The following DCPS variants were observed in gnomAD, a reference collection of about 807,000 sequenced individuals.
DCPS encodes decapping enzyme, scavenger.
A neutral mutation model predicts 34.7 loss-of-function variants in DCPS; 27 were observed. That is an observed-to-expected ratio of 0.78 (90% CI 0.57 to 1.07). The LOEUF (loss-of-function observed/expected upper bound fraction) is 1.07, where lower values mean the gene tolerates loss of function less well. Among genes scored for constraint, DCPS ranks in the 50% least tolerant of loss-of-function variants. The probability of loss-of-function intolerance (pLI) is 0.00; values close to 1 mark genes in which losing one functional copy is unlikely to be tolerated. For synonymous variants in DCPS, 185 were observed against 185.7 expected (o/e 1.00, Z 0.03); for missense variants, 464 against 436.9 (o/e 1.06, Z -0.55).
chr11:126,318,484 G>C (rs611593), intron 2 of DCPS, among the ~76,000 whole-genome samples: 2 of 152,092 alleles, frequency 1.3e-5, no homozygotes, highest in Non-Finnish European at 2.9e-5. Flanking sequence ...CTAGCCAGGG[G>C]ACATCCCACA....
At position 126,345,899 on chromosome 11, in the gene DCPS, G is replaced by A. The variant is rs1259198163; in HGVS notation, c.*286G>A. On this transcript the variant is annotated 3_prime_UTR_variant, in exon 6 of 6. Coordinates refer to ENST00000263579, the MANE Select transcript of DCPS (RefSeq NM_014026.6). The surrounding 1 kb of genome is among the most constrained non-coding windows in gnomAD (Gnocchi z 7.4). ...GAGCTGCCCTGGAAGGGTGCCGAGG[G>A]CCTTCTCCAAGCCCCAGGGCTCACC... 3 of 501,868 alleles carry A rather than the reference G, an allele frequency of 6.0e-6. No homozygotes were observed. The highest frequency in any genetic ancestry group is 1.1e-5 in the Non-Finnish European group (3 of 279,712). 31.1% of individuals were successfully genotyped at this position (501,868 alleles called of 1,614,324 possible). A position where few individuals can be genotyped will look rare whatever the true frequency, so the allele number is the denominator to read the frequency against.
chr11:126,345,541 G>GCGCA lies in DCPS; in HGVS notation c.946_949dup (p.Leu317HisfsTer9). ...AGTGTGACCCTAGGCACTACCAGCAGCGCACGCTCACCTTCGCCCTCAGGG... is the reference window on the plus strand; with the variant it reads ...AGTGTGACCCTAGGCACTACCAGCAGCGCACGCACGCTCACCTTCGCCCTCAGGG... On this transcript the variant is annotated frameshift_variant, in exon 6 of 6. Transcript: ENST00000263579. LOFTEE classifies it high-confidence loss of function. This position sits in a 1 kb window ranked among gnomAD's most constrained non-coding sequence, Gnocchi z 7.4. 2.5e-6 allele frequency: 4 copies of GCGCA among 1,613,980 alleles called. No individual in the cohort carries two copies. Among genetic ancestry groups the GCGCA allele is most frequent in the African/African-American group, 1.3e-5 (1 of 75,048 alleles).
Position 126,348,157 on chromosome 11 carries a change from A to C in DCPS, c.*2544A>C, listed in dbSNP as rs575085502. Among the ~76,000 whole-genome samples, 1 of 152,316 alleles carries C rather than the reference A, an allele frequency of 6.6e-6. No individual in the cohort carries two copies. The highest frequency in any genetic ancestry group is 1.5e-5 in the Non-Finnish European group (1 of 68,018). On this transcript the variant is annotated 3_prime_UTR_variant, in exon 6 of 6. Coordinates refer to ENST00000263579, the MANE Select transcript of DCPS (RefSeq NM_014026.6). This position sits in a 1 kb window ranked among gnomAD's most constrained non-coding sequence, Gnocchi z 5.3. ...AACAGGACAGACGAGGCTGGCAGTC[A>C]CAGCAGAGGGCAGGCACTCAGGTCT...
intron 4 of DCPS, among the ~76,000 whole-genome samples, chr11:126,339,320 A>T (rs1466896658): frequency 6.6e-6 from 1 of 151,926 alleles, no homozygotes; most frequent in Non-Finnish European, 1.5e-5. Context: ...GGGCCCGTCT[A>T]GTTTCTGCAC....
intron 2 of DCPS, among the ~76,000 whole-genome samples, chr11:126,324,602 A>G (rs1951727693): frequency 1.4e-5 from 2 of 139,040 alleles, no homozygotes; most frequent in South Asian, 2.3e-4. Flanking sequence ...ACAGGCATGC[A>G]CCACCATGCC....
In DCPS at chr11:126,336,656, C is replaced by T. The variant is rs1951834735; in HGVS notation, c.523-1630C>T. On this transcript the variant is annotated intron_variant, in intron 3 of 5. Coordinates refer to ENST00000263579, the MANE Select transcript of DCPS (RefSeq NM_014026.6). The surrounding 1 kb of genome is among the most constrained non-coding windows in gnomAD (Gnocchi z 6.3). Reference sequence around the variant, plus strand: ...TGTCTGTAGGGAATGCCGTCTCCCTCCCTCCCTTGTATTTCCGCTGGCTTC... The same window carrying T: ...TGTCTGTAGGGAATGCCGTCTCCCTTCCTCCCTTGTATTTCCGCTGGCTTC... The T allele has an allele frequency of 1.3e-5, 2 of 152,320 alleles. No homozygotes were observed. Among genetic ancestry groups the T allele is most frequent in the Non-Finnish European group, 2.9e-5 (2 of 68,126 alleles). 9.4% of individuals were successfully genotyped at this position (152,320 alleles called of 1,614,324 possible). A position where few individuals can be genotyped will look rare whatever the true frequency, so the allele number is the denominator to read the frequency against.
At chr11:126,330,176 G>T (rs1260658478) in intron 2 of DCPS, among the ~76,000 whole-genome samples, 2 of 150,332 alleles carry the variant, frequency 1.3e-5, no homozygotes, top group Admixed American at 6.7e-5. Context: ...CTCACCTGGG[G>T]ACACTTTTTC....
At chr11:126,304,313 G>T in intron 1 of DCPS, 32 bp downstream of exon 1, 1 of 1,612,254 alleles carries the variant, frequency 6.2e-7, no homozygotes, top group African/African-American at 1.3e-5. Flanking sequence ...GTGGGATGCG[G>T]GAAGCAGTGA....
In DCPS at chr11:126,331,342, G is replaced by T; in HGVS notation, c.377-63G>T. 6.3e-7 allele frequency: 1 copy of T among 1,588,196 alleles called. No homozygotes were observed. Among genetic ancestry groups the T allele is most frequent in the Non-Finnish European group, 8.6e-7 (1 of 1,165,916 alleles). ...AGGGTGGGAGTTCTCTCCTCACCGT[G>T]GTGCCTGTGGCATAGAGAGTGGGCA... On this transcript the variant is annotated intron_variant, in intron 2 of 5. Transcript: ENST00000263579. This position sits in a 1 kb window ranked among gnomAD's most constrained non-coding sequence, Gnocchi z 7.2.
At chr11:126,341,637 C>T (rs58960365) in intron 4 of DCPS, 2 of 152,238 alleles carry the variant, frequency 1.3e-5, no homozygotes, top group Admixed American at 6.5e-5. Context: ...GTGACAGTGA[C>T]GCATAGAACA....
At chr11:126,339,645 C>T (rs561459617) in intron 4 of DCPS, among the ~76,000 whole-genome samples, 2 of 152,222 alleles carry the variant, frequency 1.3e-5, no homozygotes, top group African/African-American at 4.8e-5. Context: ...AGAGGGCTCT[C>T]CTTGTGTGGG....
At chr11:126,340,527 T>C (rs1951868065) in intron 4 of DCPS, among the ~76,000 whole-genome samples, 1 of 152,182 alleles carries the variant, frequency 6.6e-6, no homozygotes, top group African/African-American at 2.4e-5. Flanking sequence ...TATTTTAGCG[T>C]CTCAAATCTT....
In DCPS at chr11:126,343,270, C is replaced by T. The variant is rs778457954; in HGVS notation, c.637-37C>T. On this transcript the variant is annotated intron_variant, in intron 4 of 5. Transcript: ENST00000263579. ...GGTTGGCAGCCTCCCCAGGTCTGTT[C>T]CCTGCTGAGCCTGGTCTCCCCTTGC... 2.2e-5 allele frequency: 35 copies of T among 1,568,518 alleles called. No homozygotes were observed. In the South Asian group the frequency reaches 2.9e-4, roughly 13 times the overall value.
In DCPS at chr11:126,306,750, C is replaced by A. The variant is rs1460981946; in HGVS notation, c.376+6C>A. 2.5e-6 allele frequency: 4 copies of A among 1,586,436 alleles called. No homozygotes were observed. Among genetic ancestry groups the A allele is most frequent in the Non-Finnish European group, 3.5e-6 (4 of 1,157,640 alleles). ...CCCTCCAAGACAACTGAATGGTGAG[C>A]AAGAGGTGGCCAGGGTGGCTGTATG... is the stretch of plus-strand genomic sequence containing the variant. On this transcript the variant is annotated splice_donor_region_variant and intron_variant, in intron 2 of 5. Transcript: ENST00000263579.
chr11:126,347,294 A>G lies in DCPS; in HGVS notation c.*1681A>G, dbSNP rs71475952. The stretch of plus-strand genomic sequence containing the variant: ...GCTGGAGTGCAGTGGCACAATCTCG[A>G]CTCACTGCAACCTCTGCCTCCTGGG... On this transcript the variant is annotated 3_prime_UTR_variant, in exon 6 of 6. Coordinates refer to ENST00000263579, the MANE Select transcript of DCPS (RefSeq NM_014026.6). The surrounding 1 kb of genome is among the most constrained non-coding windows in gnomAD (Gnocchi z 4.2). Among the ~76,000 whole-genome samples, 13 of 145,698 alleles carry G rather than the reference A, an allele frequency of 8.9e-5. No homozygotes were observed. Among genetic ancestry groups the G allele is most frequent in the East Asian group, 2.1e-4 (1 of 4,844 alleles).
chr11:126,338,064 C>T lies in DCPS; in HGVS notation c.523-222C>T. 1.8e-6 allele frequency: 1 copy of T among 561,106 alleles called. No individual in the cohort carries two copies. The highest frequency in any genetic ancestry group is 3.2e-6 in the Non-Finnish European group (1 of 312,092). 34.8% of individuals were successfully genotyped at this position (561,106 alleles called of 1,614,324 possible). A position where few individuals can be genotyped will look rare whatever the true frequency, so the allele number is the denominator to read the frequency against. ...CAGAGACCCTTGTGATGACGCATGGCTGAGTGCCAGCTGGAGTGGGAAGGG... is the reference window on the plus strand; with the variant it reads ...CAGAGACCCTTGTGATGACGCATGGTTGAGTGCCAGCTGGAGTGGGAAGGG... On this transcript the variant is annotated intron_variant, in intron 3 of 5. Coordinates refer to ENST00000263579, the MANE Select transcript of DCPS (RefSeq NM_014026.6). This position sits in a 1 kb window ranked among gnomAD's most constrained non-coding sequence, Gnocchi z 5.4.
At chr11:126,316,714 G>A (rs921868320) in intron 2 of DCPS, among the ~76,000 whole-genome samples, 7 of 150,620 alleles carry the variant, frequency 4.6e-5, no homozygotes, top group African/African-American at 1.2e-4. Flanking sequence ...GTGCGGTGGC[G>A]TCGTGATCTC....
Position 126,322,794 on chromosome 11 carries a change from A to G in DCPS, c.377-8611A>G, listed in dbSNP as rs558499271. 6.6e-6 allele frequency among the ~76,000 whole-genome samples: 1 copy of G among 152,190 alleles called. No homozygotes were observed. The highest frequency in any genetic ancestry group is 2.1e-4 in the South Asian group (1 of 4,832). ...TTTTTAGTAGAGACGGGGTTTCACC[A>G]TGTTGGCCAGTCTATCCTAAAATTC... On this transcript the variant is annotated intron_variant, in intron 2 of 5. Coordinates refer to ENST00000263579, the MANE Select transcript of DCPS (RefSeq NM_014026.6). The surrounding 1 kb of genome is among the most constrained non-coding windows in gnomAD (Gnocchi z 4.2).
chr11:126,319,588 C>T lies in DCPS; in HGVS notation c.377-11817C>T, dbSNP rs1179936391. On this transcript the variant is annotated intron_variant, in intron 2 of 5. Coordinates refer to ENST00000263579, the MANE Select transcript of DCPS (RefSeq NM_014026.6). This position sits in a 1 kb window ranked among gnomAD's most constrained non-coding sequence, Gnocchi z 4.5. Reference sequence around the variant, plus strand: ...AGCAGTGTCATCTCTGCATGTCTGACCACACCCCCTGTCTGGACCTCACTT... The same window carrying T: ...AGCAGTGTCATCTCTGCATGTCTGATCACACCCCCTGTCTGGACCTCACTT... Among the ~76,000 whole-genome samples the T allele has an allele frequency of 2.6e-5, 4 of 152,180 alleles. No homozygotes were observed. The highest frequency in any genetic ancestry group is 9.7e-5 in the African/African-American group (4 of 41,434).
Sources: allele counts gnomAD v4.1 joint callset (sites outside exome capture counted in the v4.1 genomes callset), GRCh38; gene constraint gnomAD v4.1.1; non-coding constraint Gnocchi (gnomAD v3.1); transcripts MANE v1.5; gene names NCBI Gene and HGNC (gene_info 2026-07-23, HGNC 2026-07-21).